Variants in NPAS2 observed in about 807,000 individuals in gnomAD.
The protein encoded by NPAS2 is neuronal PAS domain protein 2, also known as neuronal PAS domain-containing protein 2.
Under a neutral mutation model 107.5 loss-of-function variants are expected in NPAS2, and 23 were observed. The ratio of observed to expected loss-of-function variants is 0.21; its 90% CI spans 0.15 to 0.30. The LOEUF (loss-of-function observed/expected upper bound fraction) is 0.30, where lower values mean the gene tolerates loss of function less well. NPAS2 is among the 10% of genes least tolerant of loss of function. NPAS2 has a pLI of 1.00. For synonymous variants in NPAS2, 403 were observed against 417.5 expected (o/e 0.97, Z 0.42); for missense variants, 756 against 1,043.3 (o/e 0.72, Z 3.79).
At position 100,996,769 on chromosome 2, in the gene NPAS2, A is replaced by C. The variant is rs1678456313; in HGVS notation, c.*1187A>C. On this transcript the variant is annotated 3_prime_UTR_variant, in exon 21 of 21. Transcript: ENST00000335681. The stretch of plus-strand genomic sequence containing the variant: ...CTTTTCCCAAATATAAAAGTATAAA[A>C]GTTTTCTTGTGTTTTTCTGTGAGTG... The C allele has an allele frequency of 6.6e-6, 1 of 152,360 alleles. No individual in the cohort carries two copies. Among genetic ancestry groups the C allele is most frequent in the Non-Finnish European group, 1.5e-5 (1 of 68,036 alleles). The allele number at this position is 152,360 out of a possible 1,614,324, so 9.4% of individuals were successfully genotyped here.
intron 2 of NPAS2, among the ~76,000 whole-genome samples, chr2:100,909,943 C>G (rs894828047): frequency 6.6e-6 from 1 of 152,104 alleles, no homozygotes; most frequent in South Asian, 2.1e-4. Context: ...AGGGGCCTCC[C>G]TCTGCTGAGG....
chr2:100,933,542 G>A (rs775912387), intron 4 of NPAS2, among the ~76,000 whole-genome samples: 2 of 152,180 alleles, frequency 1.3e-5, no homozygotes, highest in Non-Finnish European at 2.9e-5. Context: ...TTTCTGTGCT[G>A]AGTGAGATGC....
intron 1 of NPAS2, chr2:100,822,866 G>A (rs1003708858): frequency 1.3e-5 from 2 of 152,158 alleles, no homozygotes; most frequent in Non-Finnish European, 2.9e-5. Flanking sequence ...TTATGCCAAC[G>A]GTTTAATTGG....
At chr2:100,917,527 T>TA (rs1309950476) in intron 2 of NPAS2, among the ~76,000 whole-genome samples, 1 of 151,730 alleles carries the variant, frequency 6.6e-6, no homozygotes, top group Admixed American at 6.6e-5. Context: ...AAACTCCATC[T>TA]AAAAAAATAA....
chr2:100,821,303 G>T, intron 1 of NPAS2: 1 of 975,266 alleles, frequency 1.0e-6, no homozygotes. Context: ...CTTCCACAAA[G>T]TCTAAACACT....
At chr2:100,824,071 C>T (rs1204732961) in intron 1 of NPAS2, among the ~76,000 whole-genome samples, 11 of 152,094 alleles carry the variant, frequency 7.2e-5, no homozygotes, top group South Asian at 2.1e-4. Flanking sequence ...GTAAAGGACG[C>T]GTGTTAGGCC....
At chr2:100,959,280 AT>A (rs60973078) in intron 7 of NPAS2, among the ~76,000 whole-genome samples, 75,819 of 146,260 alleles carry the variant, frequency 0.52, 19,892 homozygotes, top group African/African-American at 0.65. Flanking sequence ...AAAAAAAAAA[AT>A]TTTTTTGCAA....
intron 1 of NPAS2, among the ~76,000 whole-genome samples, chr2:100,875,715 T>C (rs1679922201): frequency 1.3e-5 from 2 of 152,252 alleles, no homozygotes; most frequent in South Asian, 4.1e-4. Context: ...TTTCTGGAAT[T>C]TGCCAGCCTG....
chr2:100,870,266 C>T (rs886088911), intron 1 of NPAS2, among the ~76,000 whole-genome samples: 34 of 152,218 alleles, frequency 2.2e-4, no homozygotes, highest in African/African-American at 7.7e-4. Context: ...TTCTTTTTAG[C>T]TGACTTCAGT....
At chr2:100,993,213 A>G in intron 19 of NPAS2, 134 bp from the exon 20 acceptor site, 2 of 748,778 alleles carry the variant, frequency 2.7e-6, no homozygotes, top group Non-Finnish European at 4.3e-6. Context: ...GATTACAGGC[A>G]TGAGCCACCG....
intron 1 of NPAS2, among the ~76,000 whole-genome samples, chr2:100,852,290 G>A (rs940234760): frequency 6.6e-5 from 10 of 152,032 alleles, no homozygotes; most frequent in African/African-American, 1.9e-4. Context: ...CCAGCTAATC[G>A]GGAGGCTGAG....
chr2:100,963,018 G>A (rs1676002935), intron 7 of NPAS2, among the ~76,000 whole-genome samples: 1 of 152,228 alleles, frequency 6.6e-6, no homozygotes, highest in South Asian at 2.1e-4. Flanking sequence ...CTAGATGTTT[G>A]AGAAGATGTA....
chr2:100,876,314 C>A (rs983285218), intron 1 of NPAS2, among the ~76,000 whole-genome samples: 7 of 152,192 alleles, frequency 4.6e-5, no homozygotes, highest in Non-Finnish European at 1.0e-4. Flanking sequence ...GAACGCATTG[C>A]GTGGAGAAAT....
At chr2:100,950,912 G>A (rs1323782117) in intron 7 of NPAS2, among the ~76,000 whole-genome samples, 1 of 152,202 alleles carries the variant, frequency 6.6e-6, no homozygotes, top group Non-Finnish European at 1.5e-5. Context: ...ACCACACAAA[G>A]AAGTAAATGG....
chr2:100,855,359 G>A (rs1678488968), intron 1 of NPAS2, among the ~76,000 whole-genome samples: 2 of 152,168 alleles, frequency 1.3e-5, no homozygotes, highest in South Asian at 4.2e-4. Context: ...GTCTCACGAA[G>A]GCCTCGACCG....
rs528814507 is a variant in NPAS2, at chr2:100,932,743, C to T, written c.182-167C>T. Among the ~76,000 whole-genome samples, 17 of 151,916 alleles carry T rather than the reference C, an allele frequency of 1.1e-4. No homozygotes were observed. The East Asian group carries it at 3.1e-3, about 28-fold the overall frequency. On this transcript the variant is annotated intron_variant, in intron 3 of 20. Transcript: ENST00000335681. Reference sequence around the variant, plus strand: ...TTAAGGGAGATGAGAACATCCGAAGCTCCCAGTCCTTGGAAATCAGGGTAA... The same window carrying T: ...TTAAGGGAGATGAGAACATCCGAAGTTCCCAGTCCTTGGAAATCAGGGTAA...
At chr2:100,873,715 G>A (rs1363794445) in intron 1 of NPAS2, among the ~76,000 whole-genome samples, 3 of 152,022 alleles carry the variant, frequency 2.0e-5, no homozygotes, top group Non-Finnish European at 4.4e-5. Flanking sequence ...GCAATGGAGC[G>A]GGGATTCATT....
intron 1 of NPAS2, among the ~76,000 whole-genome samples, chr2:100,896,816 TCCTC>T (rs1232928435): frequency 6.6e-6 from 1 of 152,086 alleles, no homozygotes; most frequent in Non-Finnish European, 1.5e-5. Context: ...GTCCTTCCTT[TCCTC>T]CCTCCCTCCC....
At chr2:100,842,545 C>G (rs567439140) in intron 1 of NPAS2, among the ~76,000 whole-genome samples, 1 of 152,286 alleles carries the variant, frequency 6.6e-6, no homozygotes, top group Non-Finnish European at 1.5e-5. Context: ...GCCCTTTTCC[C>G]TGACCCAGCT....
Sources: gnomAD v4.1 joint callset for allele counts (sites outside exome capture counted in the v4.1 genomes callset) on GRCh38, gnomAD v4.1.1 for gene constraint, MANE v1.5 for transcripts, NCBI Gene and HGNC (gene_info 2026-07-23, HGNC 2026-07-21) for gene names.